The following A1BG variants were observed in gnomAD, a reference collection of about 807,000 sequenced individuals.
The protein encoded by A1BG is alpha-1-B glycoprotein, also known as alpha-1B-glycoprotein.
Under a neutral mutation model 46.0 loss-of-function variants are expected in A1BG, and 44 were observed. The ratio of observed to expected loss-of-function variants is 0.96; its 90% CI spans 0.75 to 1.23. A1BG has a LOEUF of 1.23. A1BG is among the 50% of genes most tolerant of loss of function. A1BG has a pLI of 0.00. For synonymous variants in A1BG, 316 were observed against 314.7 expected (o/e 1.00, Z -0.04); for missense variants, 707 against 688.8 (o/e 1.03, Z -0.30).
chr19:58,348,007 C>T (rs1432845770), intron 6 of A1BG, among the ~76,000 whole-genome samples: 1 of 152,232 alleles, frequency 6.6e-6, no homozygotes, highest in Non-Finnish European at 1.5e-5. Flanking sequence ...AAAGGACATA[C>T]AATCTATGTC....
Position 58,347,030 on chromosome 19 carries a change from C to G in A1BG, c.1481-1G>C. 1.2e-6 allele frequency: 2 copies of G among 1,614,154 alleles called. No homozygotes were observed. The highest frequency in any genetic ancestry group is 1.7e-6 in the Non-Finnish European group (2 of 1,180,008). On this transcript the variant is annotated splice_acceptor_variant, in intron 7 of 7. Transcript: ENST00000263100. LOFTEE classifies it high-confidence loss of function. ...CTGGGCCCGCGGCTGCATCAGCTTTCTAGACAACGGGAGAAAAGAGAAATG... is the reference window on the plus strand; with the variant it reads ...CTGGGCCCGCGGCTGCATCAGCTTTGTAGACAACGGGAGAAAAGAGAAATG...
intron 6 of A1BG, chr19:58,349,716 TGAGA>T (rs1193887458): frequency 1.7e-5 from 2 of 115,500 alleles, no homozygotes; most frequent in African/African-American, 3.4e-5. Context: ...GGGGCAGAGA[TGAGA>T]GAGAGAGAAA....
chr19:58,346,652 C>G lies in A1BG; in HGVS notation c.*370G>C, dbSNP rs2051915386. ...GGAGGATCGCTTGAGCCTGGGAGGTCAAAACTGCAGTGAGCCGGACTGCAA... is the reference window on the plus strand; with the variant it reads ...GGAGGATCGCTTGAGCCTGGGAGGTGAAAACTGCAGTGAGCCGGACTGCAA... On this transcript the variant is annotated 3_prime_UTR_variant, in exon 8 of 8. Transcript: ENST00000263100. The G allele has an allele frequency of 3.3e-6, 1 of 302,074 alleles. No individual in the cohort carries two copies. Among genetic ancestry groups the G allele is most frequent in the Non-Finnish European group, 6.4e-6 (1 of 157,428 alleles). 18.7% of individuals were successfully genotyped at this position (302,074 alleles called of 1,614,324 possible).
Position 58,345,260 on chromosome 19 carries a change from G to C in A1BG, c.*1762C>G, listed in dbSNP as rs1047865813. On this transcript the variant is annotated 3_prime_UTR_variant, in exon 8 of 8. Transcript: ENST00000263100. ...AAGATGCTATATAGATGGCAACTAA[G>C]CACTTGGGGAAAAAATGCTTAACAT... is the stretch of plus-strand genomic sequence containing the variant. The C allele has an allele frequency of 6.6e-6, 1 of 152,136 alleles. No homozygotes were observed. The highest frequency in any genetic ancestry group is 2.4e-5 in the African/African-American group (1 of 41,404). 9.4% of individuals were successfully genotyped at this position (152,136 alleles called of 1,614,324 possible).
chr19:58,350,093 C>G, intron 6 of A1BG: 1 of 439,360 alleles, frequency 2.3e-6, no homozygotes, highest in Non-Finnish European at 4.0e-6. Context: ...CACAGAGCTG[C>G]AGGGATCTGA....
chr19:58,347,701 C>CGT (rs1282791998), intron 6 of A1BG, 61 bp from the exon 7 acceptor site: 1 of 436,466 alleles, frequency 2.3e-6, no homozygotes, highest in Non-Finnish European at 3.3e-6. Context: ...CCAGGCCACA[C>CGT]CCCAGGCCAC....
At chr19:58,347,286 G>A in intron 7 of A1BG, 67 bp downstream of exon 7, 3 of 1,597,018 alleles carry the variant, frequency 1.9e-6, no homozygotes, top group Non-Finnish European at 2.6e-6. Context: ...GGCCCTCCTG[G>A]AGGTGGGCAC....
rs759054972 is a variant in A1BG at position 58,353,448 on chromosome 19, C to A, written c.-11G>T. On this transcript the variant is annotated 5_prime_UTR_variant, in exon 1 of 8. Transcript: ENST00000263100. Reference sequence around the variant, plus strand: ...CACGAGCATGGACATGATGGTCGCGCTCACTCCGGTGCAGTGAGTGTCTGG... The same window carrying A: ...CACGAGCATGGACATGATGGTCGCGATCACTCCGGTGCAGTGAGTGTCTGG... 44 of 1,606,680 alleles carry A rather than the reference C, an allele frequency of 2.7e-5. No individual in the cohort carries two copies. The African/African-American group carries it at 4.5e-4, about 17-fold the overall frequency.
intron 6 of A1BG, 23 bp from the exon 7 acceptor site, chr19:58,347,663 C>G (rs2051924500): frequency 1.5e-6 from 2 of 1,358,532 alleles, no homozygotes; most frequent in Non-Finnish European, 1.9e-6. Context: ...GGCGGGTGGT[C>G]GGGCCAGGCC....
In A1BG at chr19:58,347,612, C is replaced by T. The variant is rs758989494; in HGVS notation, c.1221G>A (p.Ala407=). ...CCGCCAGGACCGCCCCACTCCACGT[C>T]GCCCGGAGCTGAGGCCTGGGAGGGG... is the stretch of plus-strand genomic sequence containing the variant. ...DGPPPRPQLR[A]TWSGAVLAGR... The change falls in exon 7 of 8, where the codon GCG becomes GCA. Residue 407 remains alanine, a synonymous_variant. Coordinates refer to ENST00000263100, the MANE Select transcript of A1BG (RefSeq NM_130786.4). 2 of 1,479,304 alleles carry T rather than the reference C, an allele frequency of 1.4e-6. No homozygotes were observed. The highest frequency in any genetic ancestry group is 8.9e-7 in the Non-Finnish European group (1 of 1,120,006). The allele number at this position is 1,479,304 out of a possible 1,614,324, so 91.6% of individuals were successfully genotyped here.
chr19:58,346,398 C>T lies in A1BG; in HGVS notation c.*624G>A, dbSNP rs1289432576. The stretch of plus-strand genomic sequence containing the variant: ...GACCAGCCTGGGCAACATAGTGAGA[C>T]TCATCTCTACAAAAAATAAATAATA... On this transcript the variant is annotated 3_prime_UTR_variant, in exon 8 of 8. Coordinates refer to ENST00000263100, the MANE Select transcript of A1BG (RefSeq NM_130786.4). 4 of 158,806 alleles carry T rather than the reference C, an allele frequency of 2.5e-5. No homozygotes were observed. Among genetic ancestry groups the T allele is most frequent in the East Asian group, 1.9e-4 (1 of 5,262 alleles). 9.8% of individuals were successfully genotyped at this position (158,806 alleles called of 1,614,324 possible). A position where few individuals can be genotyped will look rare whatever the true frequency, so the allele number is the denominator to read the frequency against.
chr19:58,350,764 G>A, intron 5 of A1BG, 113 bp from the exon 6 acceptor site: 1 of 1,193,278 alleles, frequency 8.4e-7, no homozygotes, highest in Non-Finnish European at 1.1e-6. Context: ...CAATGACCTG[G>A]CCAGCTTCCT....
intron 6 of A1BG, 82 bp from the exon 7 acceptor site, chr19:58,347,722 G>A (rs1222495950): frequency 4.2e-5 from 23 of 550,802 alleles, no homozygotes; most frequent in African/African-American, 1.7e-4. Context: ...ACCCCAGGCC[G>A]CGCCCGCGCC....
At position 58,352,302 on chromosome 19, in the gene A1BG, A is replaced by T. The variant is rs1490338371; in HGVS notation, c.594T>A (p.Thr198=). 1 of 1,613,764 alleles carries T rather than the reference A, an allele frequency of 6.2e-7. No homozygotes were observed. Among genetic ancestry groups the T allele is most frequent in the African/African-American group, 1.3e-5 (1 of 74,900 alleles). ...GEGALSEPSA[T]VTIEELAAPP... ...AGTCACCGAGCTCCTCAATGGTCAC[A>T]GTAGCGCTGGGCTCAGAGAGGGCGC... is the stretch of plus-strand genomic sequence containing the variant. Residue 198 remains threonine (T), a synonymous_variant, in exon 4 of 8, where the codon ACT becomes ACA. Transcript: ENST00000263100.
Position 58,347,576 on chromosome 19 carries a change from G to A in A1BG, c.1257C>T (p.Ala419=), listed in dbSNP as rs375150138. Residue 419 remains alanine (A), a synonymous_variant, in exon 7 of 8, where the codon GCC becomes GCT. Coordinates refer to ENST00000263100, the MANE Select transcript of A1BG (RefSeq NM_130786.4). ...WSGAVLAGRD[A]VLRCEGPIPD... ...GGATGGGTCCCTCGCAGCGCAGGAC[G>A]GCATCTCGGCCCGCCAGGACCGCCC... The A allele has an allele frequency of 7.2e-6, 11 of 1,533,494 alleles. No homozygotes were observed. The highest frequency in any genetic ancestry group is 2.4e-5 in the East Asian group (1 of 41,546). The allele number at this position is 1,533,494 out of a possible 1,614,324, so 95.0% of individuals were successfully genotyped here. A position where few individuals can be genotyped will look rare whatever the true frequency, so the allele number is the denominator to read the frequency against.
intron 6 of A1BG, 145 bp from the exon 7 acceptor site, chr19:58,347,785 C>A: frequency 4.2e-6 from 2 of 474,788 alleles, no homozygotes; most frequent in Middle Eastern, 6.2e-4. Context: ...GCGCAGAGGG[C>A]TCCTCCGGCG....
At position 58,346,878 on chromosome 19, in the gene A1BG, T is replaced by G; in HGVS notation, c.*144A>C. 42 of 898,330 alleles carry G rather than the reference T, an allele frequency of 4.7e-5. No individual in the cohort carries two copies. Among genetic ancestry groups the G allele is most frequent in the East Asian group, 7.3e-5 (3 of 41,146 alleles). The allele number at this position is 898,330 out of a possible 1,614,324, so 55.6% of individuals were successfully genotyped here. On this transcript the variant is annotated 3_prime_UTR_variant, in exon 8 of 8. Transcript: ENST00000263100. ...ATTTTAAACAGAGCCTCTCTTCACA[T>G]TTATTAATTCCTGGGAGGAATGAGG...
chr19:58,346,785 C>A lies in A1BG; in HGVS notation c.*237G>T. The A allele has an allele frequency of 1.6e-6, 1 of 616,744 alleles. No individual in the cohort carries two copies. The highest frequency in any genetic ancestry group is 1.9e-5 in the South Asian group (1 of 52,146). 38.2% of individuals were successfully genotyped at this position (616,744 alleles called of 1,614,324 possible). A position where few individuals can be genotyped will look rare whatever the true frequency, so the allele number is the denominator to read the frequency against. ...GTTCTCCACTCCTCTACCTCAGGAG[C>A]CACCCCAGAACCCATCCACTTTGAG... On this transcript the variant is annotated 3_prime_UTR_variant, in exon 8 of 8. Coordinates refer to ENST00000263100, the MANE Select transcript of A1BG (RefSeq NM_130786.4).
In A1BG at chr19:58,352,928, T is replaced by C. The variant is rs758577338; in HGVS notation, c.340A>G (p.Lys114Glu). ...LSKLLELTGP[K>E]SLPAPWLSMA... The stretch of plus-strand genomic sequence containing the variant: ...GCCCCCAATTCATGCCCCGGCTCAC[T>C]TGGCCCTGTCAGCTCCAGGAGCTTG... The change falls in exon 3 of 8, where the codon AAG (lysine) becomes GAG (glutamate). Residue 114 changes from lysine to glutamate, a missense_variant and splice_region_variant. By Grantham distance (56) the Lys-to-Glu change is moderately conservative. Transcript: ENST00000263100. The C allele has an allele frequency of 1.1e-5, 17 of 1,611,174 alleles. No homozygotes were observed. The South Asian group carries it at 1.6e-4, about 16-fold the overall frequency.
Sources: gnomAD v4.1 joint callset for allele counts (sites outside exome capture counted in the v4.1 genomes callset) on GRCh38, gnomAD v4.1.1 for gene constraint, MANE v1.5 for transcripts, NCBI Gene and HGNC (gene_info 2026-07-23, HGNC 2026-07-21) for gene names.